The following PCLO variants were observed in gnomAD, a reference collection of about 807,000 sequenced individuals.
PCLO encodes piccolo presynaptic cytomatrix protein, also known as protein piccolo.
PCLO carries 82 observed loss-of-function variants against 427.5 expected under a neutral mutation model. The ratio of observed to expected loss-of-function variants is 0.19; its 90% CI spans 0.16 to 0.23. The LOEUF (loss-of-function observed/expected upper bound fraction) is 0.23, where lower values mean the gene tolerates loss of function less well. PCLO is among the 10% of genes least tolerant of loss of function. The probability of loss-of-function intolerance (pLI) is 1.00; values close to 1 mark genes in which losing one functional copy is unlikely to be tolerated. For missense variants in PCLO, 6,239 were observed against 6,115.9 expected, an observed-to-expected ratio of 1.02 and a Z score of -0.67; for synonymous variants, 2,357 against 2,155.4, an observed-to-expected ratio of 1.09 and a Z score of -2.59.
intron 8 of PCLO, among the ~76,000 whole-genome samples, chr7:82,908,014 A>T (rs1794232380): frequency 6.6e-6 from 1 of 152,044 alleles, no homozygotes; most frequent in Admixed American, 6.6e-5. Context: ...TTCTATTTCA[A>T]TTAATCACTA....
Position 82,792,500 on chromosome 7 carries a change from G to A in PCLO, c.15007+9018C>T, listed in dbSNP as rs575777499. On this transcript the variant is annotated intron_variant, in intron 22 of 24. Coordinates refer to ENST00000333891, the MANE Select transcript of PCLO (RefSeq NM_033026.6). ...GCGCCACCACACCCAGCTAATTTTC[G>A]TATTTTTTTTAGAGATGGGGTTTTG... Among the ~76,000 whole-genome samples the A allele has an allele frequency of 1.3e-4, 19 of 151,802 alleles. No individual in the cohort carries two copies. In the South Asian group the frequency reaches 3.3e-3, roughly 27 times the overall value.
chr7:82,932,385 T>C (rs1794859500), intron 6 of PCLO, among the ~76,000 whole-genome samples: 1 of 152,014 alleles, frequency 6.6e-6, no homozygotes, highest in Non-Finnish European at 1.5e-5. Context: ...GCGGTGGATA[T>C]AGGAAGGTTG....
At chr7:82,919,648 T>G (rs1281990573) in intron 6 of PCLO, among the ~76,000 whole-genome samples, 2 of 151,578 alleles carry the variant, frequency 1.3e-5, no homozygotes, top group Non-Finnish European at 2.9e-5. Flanking sequence ...AACGGCTAGT[T>G]GAGAGAAAGC....
chr7:83,145,720 A>G (rs1309621156), intron 2 of PCLO, among the ~76,000 whole-genome samples: 2 of 152,192 alleles, frequency 1.3e-5, no homozygotes, highest in Non-Finnish European at 2.9e-5. Flanking sequence ...TTTACCTACA[A>G]TTTTAATTTC....
rs145445022 is a variant in PCLO, at chr7:83,000,268, TGAGAGAGAGAGA to T, written c.3301-33793_3301-33782del. Among the ~76,000 whole-genome samples the T allele has an allele frequency of 6.0e-3, 327 of 54,124 alleles. 4 individuals carry two copies. Among genetic ancestry groups the T allele is most frequent in the South Asian group, 0.03 (38 of 1,288 alleles). The allele number at this position is 54,124 out of a possible 152,430, so 35.5% of individuals were successfully genotyped here. A position where few individuals can be genotyped will look rare whatever the true frequency, so the allele number is the denominator to read the frequency against. ...GAGTAGAGTAAAATATTCAAAGTGTTGAGAGAGAGAGAGAGAGAGAGAGAGAGAGAGAGAGAG... is the reference window on the plus strand; with the variant it reads ...GAGTAGAGTAAAATATTCAAAGTGTTGAGAGAGAGAGAGAGAGAGAGAGAG... On this transcript the variant is annotated intron_variant, in intron 3 of 24. Coordinates refer to ENST00000333891, the MANE Select transcript of PCLO (RefSeq NM_033026.6).
intron 3 of PCLO, among the ~76,000 whole-genome samples, chr7:83,064,555 G>A (rs1020346811): frequency 2.6e-5 from 4 of 151,900 alleles, no homozygotes; most frequent in African/African-American, 7.2e-5. Context: ...CTAGCATAGG[G>A]CCTGGAAATA....
intron 2 of PCLO, among the ~76,000 whole-genome samples, chr7:83,141,484 G>C (rs1183849494): frequency 6.6e-6 from 1 of 152,138 alleles, no homozygotes; most frequent in African/African-American, 2.4e-5. Flanking sequence ...CAAAAGAAAG[G>C]CATAAAAGTA....
rs551713795 is a variant in PCLO at position 82,808,337 on chromosome 7, T to C, written c.14792-2508A>G. ...AAAATAGCTACATTATAAAAATGAT[T>C]TATTATCTATGTTTCAAAATCGTCC... is the stretch of plus-strand genomic sequence containing the variant. On this transcript the variant is annotated intron_variant, in intron 20 of 24. Transcript: ENST00000333891. 3.0e-4 allele frequency among the ~76,000 whole-genome samples: 46 copies of C among 152,010 alleles called. No individual in the cohort carries two copies. The South Asian group carries it at 8.5e-3, about 28-fold the overall frequency.
intron 22 of PCLO, among the ~76,000 whole-genome samples, chr7:82,783,479 G>A (rs545970302): frequency 6.6e-6 from 1 of 152,138 alleles, no homozygotes; most frequent in Admixed American, 6.5e-5. Flanking sequence ...AAAATTAGCC[G>A]GGCATGGTGG....
intron 3 of PCLO, among the ~76,000 whole-genome samples, chr7:82,991,047 A>C (rs1389756679): frequency 6.6e-6 from 1 of 152,178 alleles, no homozygotes; most frequent in Non-Finnish European, 1.5e-5. Flanking sequence ...TTAATTATTC[A>C]ATAAACGTTG....
intron 22 of PCLO, among the ~76,000 whole-genome samples, chr7:82,785,550 C>T (rs977117158): frequency 1.3e-5 from 2 of 152,152 alleles, no homozygotes; most frequent in African/African-American, 2.4e-5. Context: ...CATTTCAGCT[C>T]ATAGTTTTGC....
intron 14 of PCLO, among the ~76,000 whole-genome samples, chr7:82,841,186 C>A (rs941724021): frequency 1.3e-5 from 2 of 151,856 alleles, no homozygotes; most frequent in Non-Finnish European, 2.9e-5. Context: ...AAAATACATT[C>A]GACAAATATA....
chr7:82,909,000 A>G lies in PCLO; in HGVS notation c.13314T>C (p.Arg4438=), dbSNP rs533881469. The G allele has an allele frequency of 3.5e-5, 56 of 1,612,650 alleles. No individual in the cohort carries two copies. Among genetic ancestry groups the G allele is most frequent in the Admixed American group, 2.2e-4 (13 of 59,902 alleles). The stretch of plus-strand genomic sequence containing the variant: ...TATCAAACCAATCTGTTTCCTCACG[A>G]CGCAGATGATAGGCTTTGGACACCA... The part of the protein sequence containing the change: ...AMSDSEAYHL[R]REETDWFDKP... Residue 4438 remains arginine (R), a synonymous_variant, in exon 8 of 25, where the codon CGT becomes CGC. Transcript: ENST00000333891.
chr7:82,913,789 A>T (rs1028533653), intron 7 of PCLO, among the ~76,000 whole-genome samples: 5 of 152,008 alleles, frequency 3.3e-5, no homozygotes, highest in African/African-American at 1.2e-4. Flanking sequence ...AGCTACTTTA[A>T]ATCAGTTTTT....
intron 3 of PCLO, among the ~76,000 whole-genome samples, chr7:83,055,182 A>T (rs1164465062): frequency 6.6e-6 from 1 of 152,084 alleles, no homozygotes; most frequent in Admixed American, 6.6e-5. Context: ...CCCAAAACAA[A>T]TTCAAACCCT....
At position 82,915,588 on chromosome 7, in the gene PCLO, C is replaced by T. The variant is rs752661745; in HGVS notation, c.12398G>A (p.Arg4133His). The change falls in exon 7 of 25, where the codon CGT (arginine) becomes CAT (histidine). Residue 4133 changes from arginine to histidine, a missense_variant. Arg to His is a conservative substitution (Grantham distance 29). Coordinates refer to ENST00000333891, the MANE Select transcript of PCLO (RefSeq NM_033026.6). ...LLKHQIKQEF[R>H]RGTESLDHLA... ...GTGATCTAAGCTCTCTGTCCCTCTA[C>T]GAAATTCCTGTTTAATCTGATGTTT... 3.3e-5 allele frequency: 54 copies of T among 1,613,486 alleles called. No homozygotes were observed. The highest frequency in any genetic ancestry group is 1.7e-4 in the Middle Eastern group (1 of 6,052).
chr7:83,025,797 A>G (rs1788479154), intron 3 of PCLO, among the ~76,000 whole-genome samples: 1 of 152,308 alleles, frequency 6.6e-6, no homozygotes, highest in East Asian at 1.9e-4. Flanking sequence ...GGGGGCCAAT[A>G]TTCAACATTC....
At chr7:82,981,102 T>C (rs1284354019) in intron 3 of PCLO, among the ~76,000 whole-genome samples, 1 of 152,040 alleles carries the variant, frequency 6.6e-6, no homozygotes, top group African/African-American at 2.4e-5. Flanking sequence ...AAAATAATAT[T>C]TCTCCACTGA....
chr7:83,126,802 A>G (rs1791449537), intron 3 of PCLO, among the ~76,000 whole-genome samples: 1 of 152,116 alleles, frequency 6.6e-6, no homozygotes. Flanking sequence ...AAAAACTTAT[A>G]TGATGTTTAC....
Sources: gnomAD v4.1 joint callset for allele counts (sites outside exome capture counted in the v4.1 genomes callset) on GRCh38, gnomAD v4.1.1 for gene constraint, MANE v1.5 for transcripts, NCBI Gene and HGNC (gene_info 2026-07-23, HGNC 2026-07-21) for gene names.